Variants in SUPT3H observed in about 807,000 individuals in gnomAD.
SUPT3H encodes SPT3 homolog, SAGA and STAGA complex component.
A neutral mutation model predicts 44.3 loss-of-function variants in SUPT3H; 44 were observed. The ratio of observed to expected loss-of-function variants is 0.99; its 90% CI spans 0.78 to 1.28. The LOEUF is 1.28. Among genes scored for constraint, SUPT3H ranks in the 50% most tolerant of loss-of-function variants. The probability of loss-of-function intolerance (pLI) is 0.00; values close to 1 mark genes in which losing one functional copy is unlikely to be tolerated. For synonymous variants in SUPT3H, 124 were observed against 125.6 expected (o/e 0.99, Z 0.09); for missense variants, 380 against 387.1 (o/e 0.98, Z 0.15).
chr6:45,317,312 T>C (rs1784853628), intron 2 of SUPT3H, among the ~76,000 whole-genome samples: 1 of 150,308 alleles, frequency 6.7e-6, no homozygotes, highest in Non-Finnish European at 1.5e-5. Flanking sequence ...GCAATCTTTA[T>C]CTAATGACAC....
intron 11 of SUPT3H, among the ~76,000 whole-genome samples, chr6:44,818,108 A>G (rs1561832742): frequency 6.6e-6 from 1 of 152,184 alleles, no homozygotes; most frequent in Non-Finnish European, 1.5e-5. Flanking sequence ...GGATAAACAA[A>G]TAGACTAATG....
chr6:45,158,298 A>ATATAT, intron 2 of SUPT3H, among the ~76,000 whole-genome samples: 1 of 99,688 alleles, frequency 1.0e-5, no homozygotes, highest in African/African-American at 5.0e-5. Context: ...ATATATATAT[A>ATATAT]TTTTTTTTTT....
chr6:45,181,429 C>T (rs561524086), intron 2 of SUPT3H, among the ~76,000 whole-genome samples: 21 of 152,054 alleles, frequency 1.4e-4, no homozygotes, highest in Admixed American at 5.9e-4. Context: ...ATGTTTATTG[C>T]GGCATTATTC....
At chr6:44,921,504 C>G (rs987726904) in intron 10 of SUPT3H, among the ~76,000 whole-genome samples, 4 of 152,172 alleles carry the variant, frequency 2.6e-5, no homozygotes, top group African/African-American at 9.7e-5. Flanking sequence ...TGAAGATCAA[C>G]CCCTAATACT....
chr6:44,843,996 T>C (rs535368735), intron 10 of SUPT3H, among the ~76,000 whole-genome samples: 1 of 151,084 alleles, frequency 6.6e-6, no homozygotes, highest in South Asian at 2.1e-4. Flanking sequence ...GGAGGCACAC[T>C]ACCTAATTTT....
chr6:45,090,101 C>T (rs1745476440), intron 3 of SUPT3H, among the ~76,000 whole-genome samples: 1 of 152,042 alleles, frequency 6.6e-6, no homozygotes, highest in South Asian at 2.1e-4. Context: ...AATGCAAAAG[C>T]TCTGCAATAT....
chr6:44,887,558 C>T (rs1004234522), intron 10 of SUPT3H, among the ~76,000 whole-genome samples: 3 of 152,094 alleles, frequency 2.0e-5, no homozygotes, highest in Non-Finnish European at 4.4e-5. Context: ...TAAAGATGTC[C>T]TTTGAAACCA....
chr6:45,216,913 T>C (rs1562713721), intron 2 of SUPT3H, among the ~76,000 whole-genome samples: 1 of 152,122 alleles, frequency 6.6e-6, no homozygotes, highest in Non-Finnish European at 1.5e-5. Flanking sequence ...CCACATGTTC[T>C]CACTCACATG....
chr6:44,953,347 A>G lies in SUPT3H; in HGVS notation c.764T>C (p.Ile255Thr), dbSNP rs1453431179. The change falls in exon 9 of 11, where the codon ATT (isoleucine) becomes ACT (threonine). Residue 255 changes from isoleucine to threonine, a missense_variant. Coordinates refer to ENST00000371459, the MANE Select transcript of SUPT3H (RefSeq NM_003599.4). ...GTGATACTGAATGAAGGTTGCAGAAATGGCATGGCTGAAGGGGTCCCCTGC... is the reference window on the plus strand; with the variant it reads ...GTGATACTGAATGAAGGTTGCAGAAGTGGCATGGCTGAAGGGGTCCCCTGC... ...TKAGDPFSHA[I>T]SATFIQYHNS... The G allele has an allele frequency of 6.2e-7, 1 of 1,614,140 alleles. No homozygotes were observed. The highest frequency in any genetic ancestry group is 1.7e-5 in the Admixed American group (1 of 60,024).
chr6:44,996,039 G>T (rs1781223872), intron 6 of SUPT3H, among the ~76,000 whole-genome samples: 1 of 151,800 alleles, frequency 6.6e-6, no homozygotes, highest in Non-Finnish European at 1.5e-5. Flanking sequence ...ACATTGTGAT[G>T]AATAGTTTTG....
At chr6:45,007,871 C>T (rs1240088468) in intron 5 of SUPT3H, among the ~76,000 whole-genome samples, 1 of 151,636 alleles carries the variant, frequency 6.6e-6, no homozygotes, top group East Asian at 1.9e-4. Context: ...TAGGCAACCA[C>T]TACTCTACAC....
intron 2 of SUPT3H, among the ~76,000 whole-genome samples, chr6:45,151,170 T>C (rs558522250): frequency 2.8e-4 from 42 of 152,220 alleles, no homozygotes; most frequent in Non-Finnish European, 5.4e-4. Flanking sequence ...TTTTGAAAAA[T>C]TTTGAAAAGA....
chr6:44,860,508 T>C (rs1774477673), intron 10 of SUPT3H, among the ~76,000 whole-genome samples: 1 of 152,232 alleles, frequency 6.6e-6, no homozygotes. Flanking sequence ...CCAAATGTTA[T>C]TCAACCAGTT....
At chr6:44,866,821 A>G (rs1393846209) in intron 10 of SUPT3H, among the ~76,000 whole-genome samples, 1 of 152,236 alleles carries the variant, frequency 6.6e-6, no homozygotes, top group African/African-American at 2.4e-5. Flanking sequence ...ATTAGCTTGC[A>G]GTAAGGGAAG....
At chr6:45,056,964 G>A (rs562840422) in intron 3 of SUPT3H, among the ~76,000 whole-genome samples, 1 of 152,230 alleles carries the variant, frequency 6.6e-6, no homozygotes, top group Admixed American at 6.5e-5. Context: ...AAGTGTCTCA[G>A]AGAGAGCTCA....
chr6:45,172,744 A>G (rs1189995803), intron 2 of SUPT3H, among the ~76,000 whole-genome samples: 1 of 151,884 alleles, frequency 6.6e-6, no homozygotes, highest in Non-Finnish European at 1.5e-5. Flanking sequence ...GGTGCGCACC[A>G]CCGTGCCCAG....
At chr6:45,279,793 A>G (rs937062063) in intron 2 of SUPT3H, among the ~76,000 whole-genome samples, 25 of 152,230 alleles carry the variant, frequency 1.6e-4, no homozygotes, top group African/African-American at 5.8e-4. Flanking sequence ...AAGCTATCAT[A>G]TTGATAGAGC....
chr6:45,286,891 A>G (rs1446747572), intron 2 of SUPT3H, among the ~76,000 whole-genome samples: 1 of 152,220 alleles, frequency 6.6e-6, no homozygotes, highest in African/African-American at 2.4e-5. Flanking sequence ...GCACATACAC[A>G]CCATGGAATA....
intron 2 of SUPT3H, among the ~76,000 whole-genome samples, chr6:45,257,057 A>C (rs1330053233): frequency 6.6e-6 from 1 of 152,164 alleles, no homozygotes; most frequent in East Asian, 1.9e-4. Flanking sequence ...TCTTACTAGC[A>C]GTGTATGAGG....
Sources: gnomAD v4.1 joint callset for allele counts (sites outside exome capture counted in the v4.1 genomes callset) on GRCh38, gnomAD v4.1.1 for gene constraint, MANE v1.5 for transcripts, NCBI Gene and HGNC (gene_info 2026-07-23, HGNC 2026-07-21) for gene names.